The following FAM13A variants were observed in gnomAD, a reference collection of about 807,000 sequenced individuals.
FAM13A encodes protein FAM13A.
A neutral mutation model predicts 129.6 loss-of-function variants in FAM13A; 76 were observed. The ratio of observed to expected loss-of-function variants is 0.59; its 90% CI spans 0.49 to 0.71. The LOEUF (loss-of-function observed/expected upper bound fraction) is 0.71. Among genes scored for constraint, FAM13A ranks in the 30% least tolerant of loss-of-function variants. FAM13A has a pLI of 0.00. For synonymous variants in FAM13A, 443 were observed against 449.9 expected (o/e 0.98, Z 0.20); for missense variants, 1,108 against 1,249.3 (o/e 0.89, Z 1.70).
chr4:89,024,954 G>A (rs539341696), intron 2 of FAM13A, among the ~76,000 whole-genome samples: 26 of 152,270 alleles, frequency 1.7e-4, no homozygotes, highest in African/African-American at 5.8e-4. Context: ...CATTAAGAGC[G>A]ACTGATTTAA....
intron 7 of FAM13A, among the ~76,000 whole-genome samples, chr4:88,833,197 G>A (rs188122653): frequency 3.2e-3 from 491 of 152,278 alleles, no homozygotes; most frequent in Non-Finnish European, 5.7e-3. Context: ...CATGGACACT[G>A]GGAGCAGAAC....
At chr4:88,802,219 C>T (rs1727605859) in intron 8 of FAM13A, among the ~76,000 whole-genome samples, 1 of 151,724 alleles carries the variant, frequency 6.6e-6, no homozygotes. Flanking sequence ...AAGGGTTTGG[C>T]ATAACCTATT....
intron 3 of FAM13A, among the ~76,000 whole-genome samples, chr4:89,004,897 C>A (rs1304828820): frequency 6.6e-6 from 1 of 151,710 alleles, no homozygotes; most frequent in East Asian, 1.9e-4. Flanking sequence ...GTTTTCTAAG[C>A]TTTCTAGAAA....
intron 2 of FAM13A, among the ~76,000 whole-genome samples, chr4:89,027,973 G>A (rs750835586): frequency 2.0e-5 from 3 of 151,736 alleles, no homozygotes; most frequent in African/African-American, 7.3e-5. Flanking sequence ...GGGAGGCCAA[G>A]GCAGGCAGAT....
chr4:88,822,861 G>T (rs183537042), intron 7 of FAM13A: 16 of 1,449,302 alleles, frequency 1.1e-5, no homozygotes, highest in Non-Finnish European at 1.5e-5. Flanking sequence ...ATGTACAACG[G>T]ACTCTACACA....
intron 4 of FAM13A, among the ~76,000 whole-genome samples, chr4:88,980,959 A>T (rs10470937): frequency 0.7 from 105,685 of 152,060 alleles, 36,839 homozygotes; most frequent in Middle Eastern, 0.79. Context: ...AGTTTTAAAC[A>T]TTTTTGGTGC....
At chr4:89,032,086 T>C (rs1386792561) in intron 1 of FAM13A, among the ~76,000 whole-genome samples, 1 of 151,062 alleles carries the variant, frequency 6.6e-6, no homozygotes. Flanking sequence ...TAAAATAAAT[T>C]AAAAAAAATT....
chr4:89,055,478 T>G (rs1169201132), intron 1 of FAM13A, among the ~76,000 whole-genome samples: 4 of 152,158 alleles, frequency 2.6e-5, no homozygotes, highest in Non-Finnish European at 5.9e-5. Context: ...AATATAAAGT[T>G]TTATACATGA....
chr4:88,820,783 G>A (rs1731737327), intron 7 of FAM13A, among the ~76,000 whole-genome samples: 1 of 152,172 alleles, frequency 6.6e-6, no homozygotes, highest in African/African-American at 2.4e-5. Flanking sequence ...GCAACAGGAA[G>A]GATTTGATTT....
At chr4:88,752,635 TACTAAC>T (rs760196740) in intron 14 of FAM13A, among the ~76,000 whole-genome samples, 1 of 152,192 alleles carries the variant, frequency 6.6e-6, no homozygotes, top group Non-Finnish European at 1.5e-5. Flanking sequence ...TCATCATTTG[TACTAAC>T]ACTATCGGTC....
intron 7 of FAM13A, among the ~76,000 whole-genome samples, chr4:88,846,606 G>A (rs1189493839): frequency 6.6e-6 from 1 of 152,326 alleles, no homozygotes. Context: ...GTAATCAAGT[G>A]ACATTCTTGT....
chr4:88,807,221 C>A (rs958024828), intron 7 of FAM13A, among the ~76,000 whole-genome samples: 2 of 152,122 alleles, frequency 1.3e-5, no homozygotes, highest in African/African-American at 4.8e-5. Flanking sequence ...TTAAATGGTT[C>A]AGGGCTCTGA....
rs2148926656 is a variant in FAM13A at position 88,964,419 on chromosome 4, G to C, written c.606-26178C>G. 2.0e-5 allele frequency among the ~76,000 whole-genome samples: 3 copies of C among 151,838 alleles called. No homozygotes were observed. In the Middle Eastern group the frequency reaches 0.01, roughly 516 times the overall value. On this transcript the variant is annotated intron_variant, in intron 4 of 23. Transcript: ENST00000264344. Reference sequence around the variant, plus strand: ...ATTTTTGGAGGTAGTCTGTTGTTTTGGGATTAAAAAAATATTATTAGGAAA... The same window carrying C: ...ATTTTTGGAGGTAGTCTGTTGTTTTCGGATTAAAAAAATATTATTAGGAAA...
intron 11 of FAM13A, among the ~76,000 whole-genome samples, chr4:88,778,639 C>T (rs1260069381): frequency 1.3e-5 from 2 of 152,196 alleles, no homozygotes; most frequent in Non-Finnish European, 2.9e-5. Flanking sequence ...CTCTCTGCTT[C>T]TGCCCTTGCC....
Position 88,823,121 on chromosome 4 carries a change from C to A in FAM13A, c.1008-18069G>T, listed in dbSNP as rs1732357249. On this transcript the variant is annotated intron_variant, in intron 7 of 23. Transcript: ENST00000264344. Reference sequence around the variant, plus strand: ...AAGCTGGGTTGGGGGCATGAGGCTGCACCGCACGGCTGGAGAAACAACTTG... The same window carrying A: ...AAGCTGGGTTGGGGGCATGAGGCTGAACCGCACGGCTGGAGAAACAACTTG... 4 of 1,527,770 alleles carry A rather than the reference C, an allele frequency of 2.6e-6. No individual in the cohort carries two copies. The Admixed American group carries it at 6.6e-5, about 25-fold the overall frequency. The allele number at this position is 1,527,770 out of a possible 1,614,324, so 94.6% of individuals were successfully genotyped here.
chr4:88,851,632 T>G lies in FAM13A; in HGVS notation c.844-449A>C, dbSNP rs367569289. Among the ~76,000 whole-genome samples, 12 of 152,296 alleles carry G rather than the reference T, an allele frequency of 7.9e-5. 2 individuals carry two copies. The highest frequency in any genetic ancestry group is 2.9e-4 in the African/African-American group (12 of 41,546). ...AGTGTCTGAAAGGTATTCAGAAATATTTACTACCAATAAGCAAAACACAAA... is the reference window on the plus strand; with the variant it reads ...AGTGTCTGAAAGGTATTCAGAAATAGTTACTACCAATAAGCAAAACACAAA... On this transcript the variant is annotated intron_variant, in intron 6 of 23. Coordinates refer to ENST00000264344, the MANE Select transcript of FAM13A (RefSeq NM_014883.4).
chr4:88,981,568 CT>C, intron 4 of FAM13A, among the ~76,000 whole-genome samples: 1 of 152,134 alleles, frequency 6.6e-6, no homozygotes, highest in South Asian at 2.1e-4. Context: ...TACACAGTGC[CT>C]TAGAGCAGAT....
intron 5 of FAM13A, among the ~76,000 whole-genome samples, chr4:88,920,175 C>G (rs1362668201): frequency 6.6e-6 from 1 of 152,166 alleles, no homozygotes; most frequent in Admixed American, 6.5e-5. Context: ...ATGTCCCTGT[C>G]TGACAGCTTT....
intron 10 of FAM13A, among the ~76,000 whole-genome samples, chr4:88,785,213 A>G (rs1019572559): frequency 3.3e-5 from 5 of 152,172 alleles, no homozygotes; most frequent in African/African-American, 1.2e-4. Context: ...AATAATATAA[A>G]TAGATTTCTA....
Sources: gnomAD v4.1 joint callset for allele counts (sites outside exome capture counted in the v4.1 genomes callset) on GRCh38, gnomAD v4.1.1 for gene constraint, MANE v1.5 for transcripts, NCBI Gene and HGNC (gene_info 2026-07-23, HGNC 2026-07-21) for gene names.